The following CELF2 variants were observed in gnomAD, a reference collection of about 807,000 sequenced individuals.
The protein encoded by CELF2 is CUGBP Elav-like family member 2.
In CELF2, 8 loss-of-function variants were observed where a neutral mutation model predicts 62.6. The observed-to-expected ratio is 0.13, with a 90% CI of 0.07 to 0.23. The LOEUF (loss-of-function observed/expected upper bound fraction) is 0.23, where lower values mean the gene tolerates loss of function less well. CELF2 is among the 10% of genes least tolerant of loss of function. The pLI is 1.00. For missense variants in CELF2, 333 were observed against 671.0 expected (o/e 0.50, Z 5.56); for synonymous variants, 258 against 250.0 (o/e 1.03, Z -0.30).
At chr10:10,720,283 G>T in the CELF2 span, among the ~76,000 whole-genome samples, 2 of 152,214 alleles carry the variant, frequency 1.3e-5, no homozygotes, top group African/African-American at 4.8e-5. Context: ...TCAGGCAAAG[G>T]TAAAGGACTG....
chr10:10,938,718 G>A lies in CELF2; in HGVS notation c.89+18719G>A, dbSNP rs1158362046. Among the ~76,000 whole-genome samples the A allele has an allele frequency of 6.6e-6, 1 of 152,156 alleles. No homozygotes were observed. Among genetic ancestry groups the A allele is most frequent in the Non-Finnish European group, 1.5e-5 (1 of 68,018 alleles). On this transcript the variant is annotated intron_variant, in intron 2 of 13. Coordinates refer to the CELF2 transcript ENST00000636488. The surrounding 1 kb of genome is among the most constrained non-coding windows in gnomAD (Gnocchi z 4.2). ...AATTTGAGTCTAAGGACATGAGGGA[G>A]GGGGATGTGAGACAGGAATGGGGGA... is the stretch of plus-strand genomic sequence containing the variant.
intron 1 of CELF2, among the ~76,000 whole-genome samples, chr10:11,113,437 A>C (rs540587634): frequency 3.7e-4 from 56 of 152,310 alleles, no homozygotes; most frequent in African/African-American, 1.2e-3. Flanking sequence ...TTGGTTGTTA[A>C]GGGAATATAG....
intron 8 of CELF2, 81 bp downstream of exon 8, chr10:11,275,201 C>A: frequency 7.4e-7 from 1 of 1,350,562 alleles, no homozygotes; most frequent in Non-Finnish European, 1.1e-6. Flanking sequence ...AGACAAGAAG[C>A]AGGGGAAGAG....
the CELF2 span, among the ~76,000 whole-genome samples, chr10:10,561,984 G>C: frequency 2.0e-5 from 3 of 152,150 alleles, no homozygotes; most frequent in Non-Finnish European, 4.4e-5. Flanking sequence ...GCGATACCAG[G>C]ATTAAATTCT....
chr10:10,607,004 G>T, the CELF2 span, among the ~76,000 whole-genome samples: 1 of 151,964 alleles, frequency 6.6e-6, no homozygotes, highest in Non-Finnish European at 1.5e-5. Context: ...TTTAATTAAA[G>T]AAAAAAACAA....
the CELF2 span, among the ~76,000 whole-genome samples, chr10:10,747,803 T>C: frequency 6.6e-6 from 1 of 152,076 alleles, no homozygotes; most frequent in Non-Finnish European, 1.5e-5. Flanking sequence ...GCTTCCAGGG[T>C]TCATGCCATT....
chr10:10,645,847 C>T, the CELF2 span, among the ~76,000 whole-genome samples: 1 of 152,112 alleles, frequency 6.6e-6, no homozygotes, highest in African/African-American at 2.4e-5. Context: ...AACCCTCTTC[C>T]ATGTATAGAA....
the CELF2 span, among the ~76,000 whole-genome samples, chr10:10,541,602 A>G: frequency 0.76 from 115,836 of 152,070 alleles, 46,119 homozygotes; most frequent in Middle Eastern, 0.93. Flanking sequence ...ACCATATAGG[A>G]TAACTTTCTA....
chr10:10,796,133 C>T (rs190807162), upstream of CELF2, among the ~76,000 whole-genome samples: 6 of 152,314 alleles, frequency 3.9e-5, no homozygotes, highest in South Asian at 2.1e-4. Context: ...GGCGGTTACT[C>T]GCCAGGTCCA....
At chr10:10,992,422 G>T (rs1742679810) in intron 2 of CELF2, among the ~76,000 whole-genome samples, 1 of 152,156 alleles carries the variant, frequency 6.6e-6, no homozygotes, top group Admixed American at 6.5e-5. Flanking sequence ...TGTTAATGAT[G>T]AAAGCAAGTG....
At chr10:11,320,434 C>T (rs1360035938) in intron 10 of CELF2, among the ~76,000 whole-genome samples, 1 of 152,192 alleles carries the variant, frequency 6.6e-6, no homozygotes, top group Non-Finnish European at 1.5e-5. Context: ...CATGCGTGCA[C>T]GCACAGAATA....
At chr10:10,974,025 A>G (rs1313635650) in intron 2 of CELF2, among the ~76,000 whole-genome samples, 1 of 152,192 alleles carries the variant, frequency 6.6e-6, no homozygotes, top group Non-Finnish European at 1.5e-5. Flanking sequence ...TAAATGGAAC[A>G]TGGACTTTGG....
At chr10:11,190,574 A>G (rs1359724983) in intron 2 of CELF2, among the ~76,000 whole-genome samples, 1 of 151,970 alleles carries the variant, frequency 6.6e-6, no homozygotes, top group Non-Finnish European at 1.5e-5. Context: ...TAATCACAGC[A>G]GTAACTCCCA....
At chr10:10,724,671 G>GAA in the CELF2 span, among the ~76,000 whole-genome samples, 1 of 137,440 alleles carries the variant, frequency 7.3e-6, no homozygotes, top group African/African-American at 2.7e-5. Flanking sequence ...AAAAAAAAAA[G>GAA]AAAAAAGAAA....
intron 1 of CELF2, among the ~76,000 whole-genome samples, chr10:10,883,190 T>G (rs1055788036): frequency 7.2e-5 from 11 of 152,242 alleles, no homozygotes; most frequent in Non-Finnish European, 1.6e-4. Context: ...AATATCTTTA[T>G]AGAGCTTAGC....
the CELF2 span, among the ~76,000 whole-genome samples, chr10:10,490,763 G>T: frequency 6.6e-6 from 1 of 152,020 alleles, no homozygotes; most frequent in Non-Finnish European, 1.5e-5. Flanking sequence ...TCTAAACCCC[G>T]CTAAGTAAAC....
chr10:10,796,886 C>T, upstream of CELF2: 1 of 985,224 alleles, frequency 1.0e-6, no homozygotes, highest in Non-Finnish European at 1.2e-6. Flanking sequence ...CCCAGAAAGG[C>T]AATGATTTTT....
upstream of CELF2, among the ~76,000 whole-genome samples, chr10:11,002,067 G>C (rs2054571165): frequency 6.6e-6 from 1 of 152,090 alleles, no homozygotes; most frequent in Non-Finnish European, 1.5e-5. The surrounding 1 kb of genome is among the most constrained non-coding windows in gnomAD (Gnocchi z 4.4). Context: ...CCTGAGACTG[G>C]GTAATTTATA....
chr10:10,710,277 G>C, the CELF2 span, among the ~76,000 whole-genome samples: 1 of 152,210 alleles, frequency 6.6e-6, no homozygotes, highest in African/African-American at 2.4e-5. Flanking sequence ...CAGGCAGGCT[G>C]TTGCCATCAT....
Sources: gnomAD v4.1 joint callset for allele counts (sites outside exome capture counted in the v4.1 genomes callset) on GRCh38, gnomAD v4.1.1 for gene constraint, Gnocchi (gnomAD v3.1) non-coding constraint, MANE v1.5 for transcripts, NCBI Gene and HGNC (gene_info 2026-07-23, HGNC 2026-07-21) for gene names.